ATP11A: variants seen among roughly 807,000 people sequenced by gnomAD.
ATP11A encodes ATPase phospholipid transporting 11A, also known as phospholipid-transporting ATPase IH.
Under a neutral mutation model 154.4 loss-of-function variants are expected in ATP11A, and 81 were observed. The observed-to-expected ratio is 0.52, with a 90% CI of 0.44 to 0.63. ATP11A has a LOEUF of 0.63. ATP11A is among the 30% of genes least tolerant of loss of function. The pLI is 0.00. For synonymous variants in ATP11A, 623 were observed against 585.9 expected, an observed-to-expected ratio of 1.06 and a Z score of -0.91; for missense variants, 1,316 against 1,474.3, an observed-to-expected ratio of 0.89 and a Z score of 1.76.
At chr13:112,742,656 A>C (rs1021193754) in intron 1 of ATP11A, among the ~76,000 whole-genome samples, 6 of 152,228 alleles carry the variant, frequency 3.9e-5, no homozygotes, top group Admixed American at 2.0e-4. Flanking sequence ...TTCCTGAGGC[A>C]GTCTCAGCCT....
At chr13:112,880,467 G>C (rs1466020086) in intron 29 of ATP11A, 14 of 1,156,664 alleles carry the variant, frequency 1.2e-5, no homozygotes, top group Non-Finnish European at 1.6e-5. Context: ...GGGTCCCACG[G>C]ATGGTGCAGG....
chr13:112,867,139 C>T (rs986405644), intron 25 of ATP11A, among the ~76,000 whole-genome samples: 1 of 152,162 alleles, frequency 6.6e-6, no homozygotes, highest in Non-Finnish European at 1.5e-5. Flanking sequence ...ATAGCAAGTC[C>T]CCTTTTTCCC....
At chr13:112,709,706 C>A (rs1887525396) in intron 1 of ATP11A, among the ~76,000 whole-genome samples, 1 of 119,936 alleles carries the variant, frequency 8.3e-6, no homozygotes, top group Non-Finnish European at 1.8e-5. Context: ...TGAACCAAAC[C>A]AATGTATTTC....
chr13:112,765,946 CG>C lies in ATP11A; in HGVS notation c.40-19187del, dbSNP rs1295603804. On this transcript the variant is annotated intron_variant, in intron 1 of 29. Transcript: ENST00000375645. The stretch of plus-strand genomic sequence containing the variant: ...CTGAAGCCGCGGCTTCCTTGCAGGC[CG>C]GTGTCCGGCGTTGATCCTTTAACTG... Among the ~76,000 whole-genome samples, 71 of 152,368 alleles carry C rather than the reference CG, an allele frequency of 4.7e-4. No individual in the cohort carries two copies. The Middle Eastern group carries it at 0.01, about 22-fold the overall frequency.
chr13:112,762,611 G>A (rs2076988506), intron 1 of ATP11A, among the ~76,000 whole-genome samples: 1 of 152,204 alleles, frequency 6.6e-6, no homozygotes, highest in Non-Finnish European at 1.5e-5. Flanking sequence ...TGTGACGCAG[G>A]CTGGAAATGT....
At chr13:112,849,792 C>T (rs566943120) in intron 17 of ATP11A, among the ~76,000 whole-genome samples, 93 of 152,310 alleles carry the variant, frequency 6.1e-4, no homozygotes, top group Admixed American at 2.2e-3. Flanking sequence ...TAGAGGCAAA[C>T]CCGTGAGCAG....
chr13:112,702,658 C>T (rs1341165143), intron 1 of ATP11A, among the ~76,000 whole-genome samples: 1 of 152,256 alleles, frequency 6.6e-6, no homozygotes, highest in Non-Finnish European at 1.5e-5. Context: ...TTTCTTCGTT[C>T]TGCTGATATC....
chr13:112,732,499 T>C lies in ATP11A; in HGVS notation c.39+42044T>C, dbSNP rs1177968652. ...CTCCATCTCTCTCCAGCTCCATCTC[T>C]CTCCAGCTGCATCTCTCTGCATTTT... On this transcript the variant is annotated intron_variant, in intron 1 of 29. Transcript: ENST00000375645. Among the ~76,000 whole-genome samples, 5 of 152,208 alleles carry C rather than the reference T, an allele frequency of 3.3e-5. No individual in the cohort carries two copies. The East Asian group carries it at 7.7e-4, about 24-fold the overall frequency.
At position 112,692,418 on chromosome 13, in the gene ATP11A, GAGGGGGACAGAC is replaced by G. The variant is rs1174761291; in HGVS notation, c.39+1966_39+1977del. Among the ~76,000 whole-genome samples the G allele has an allele frequency of 4.6e-5, 7 of 152,180 alleles. No individual in the cohort carries two copies. The East Asian group carries it at 1.3e-3, about 29-fold the overall frequency. ...CCGGTTTCTGACCCCTTCATCTTGGGAGGGGGACAGACAGACGTCCAATTTTGATGCTTGACT... is the reference window on the plus strand; with the variant it reads ...CCGGTTTCTGACCCCTTCATCTTGGGAGACGTCCAATTTTGATGCTTGACT... On this transcript the variant is annotated intron_variant, in intron 1 of 29. Transcript: ENST00000375645.
chr13:112,765,902 C>T (rs1172349066), intron 1 of ATP11A, among the ~76,000 whole-genome samples: 11 of 152,278 alleles, frequency 7.2e-5, no homozygotes, highest in South Asian at 2.1e-4. Context: ...CAGGCGTAAC[C>T]GCCAGGGTCC....
At chr13:112,701,134 C>T (rs1353725342) in intron 1 of ATP11A, among the ~76,000 whole-genome samples, 1 of 152,158 alleles carries the variant, frequency 6.6e-6, no homozygotes, top group African/African-American at 2.4e-5. Context: ...CACAGAAATT[C>T]GAGTCCGCCT....
chr13:112,720,317 C>T (rs1004920094), intron 1 of ATP11A, among the ~76,000 whole-genome samples: 7 of 152,332 alleles, frequency 4.6e-5, no homozygotes, highest in Non-Finnish European at 7.3e-5. Context: ...TAGGTGGAGT[C>T]GGAGATTCTT....
intron 1 of ATP11A, among the ~76,000 whole-genome samples, chr13:112,707,415 C>CAAAAAAA (rs35020608): frequency 1.2e-5 from 1 of 80,710 alleles, no homozygotes; most frequent in Non-Finnish European, 2.6e-5. Context: ...AATTCTGTCT[C>CAAAAAAA]AAAAAAAAAA....
In ATP11A at chr13:112,885,798, C is replaced by G. The variant is rs1201765517; in HGVS notation, c.*3932C>G. The G allele has an allele frequency of 1.3e-5, 2 of 152,352 alleles. No homozygotes were observed. The highest frequency in any genetic ancestry group is 2.9e-5 in the Non-Finnish European group (2 of 68,122). 9.4% of individuals were successfully genotyped at this position (152,352 alleles called of 1,614,324 possible). On this transcript the variant is annotated 3_prime_UTR_variant, in exon 30 of 30. Coordinates refer to ENST00000375645, the MANE Select transcript of ATP11A (RefSeq NM_015205.3). Reference sequence around the variant, plus strand: ...GGATGGGCATGGGAAGATGGGCTCCCTGGCCCCCAGCCCATGCCTCCCTGG... The same window carrying G: ...GGATGGGCATGGGAAGATGGGCTCCGTGGCCCCCAGCCCATGCCTCCCTGG...
intron 2 of ATP11A, among the ~76,000 whole-genome samples, chr13:112,789,840 G>C (rs1421420381): frequency 6.8e-6 from 1 of 147,448 alleles, no homozygotes. Flanking sequence ...ACGTGTAGTA[G>C]ACCCCTGTGG....
chr13:112,799,109 A>G (rs538745698), intron 2 of ATP11A, among the ~76,000 whole-genome samples: 5 of 152,386 alleles, frequency 3.3e-5, no homozygotes, highest in South Asian at 4.1e-4. Context: ...CCAAGACAAC[A>G]TAACAATTCT....
chr13:112,784,753 G>A (rs1428181550), intron 1 of ATP11A, among the ~76,000 whole-genome samples: 2 of 152,308 alleles, frequency 1.3e-5, no homozygotes, highest in Admixed American at 1.3e-4. Flanking sequence ...TCCATCTCCT[G>A]ACCTCGTGAT....
rs776049128 is a variant in ATP11A, at chr13:112,823,331, T to C, written c.726-14T>C. On this transcript the variant is annotated splice_polypyrimidine_tract_variant and intron_variant, in intron 8 of 29. Transcript: ENST00000375645. ...TTCGTGTCCGCATCATTTCTGATCATCGTATCTTTACAGGCCCTTAGGATC... is the reference window on the plus strand; with the variant it reads ...TTCGTGTCCGCATCATTTCTGATCACCGTATCTTTACAGGCCCTTAGGATC... The C allele has an allele frequency of 2.5e-6, 4 of 1,611,746 alleles. No individual in the cohort carries two copies. Among genetic ancestry groups the C allele is most frequent in the Non-Finnish European group, 2.5e-6 (3 of 1,178,078 alleles).
At chr13:112,802,368 G>C (rs2078161090) in intron 2 of ATP11A, among the ~76,000 whole-genome samples, 1 of 151,690 alleles carries the variant, frequency 6.6e-6, no homozygotes, top group Non-Finnish European at 1.5e-5. Context: ...GAAAAGAATA[G>C]ACAAATAGAT....
Sources: gnomAD v4.1 joint callset for allele counts (sites outside exome capture counted in the v4.1 genomes callset) on GRCh38, gnomAD v4.1.1 for gene constraint, MANE v1.5 for transcripts, NCBI Gene and HGNC (gene_info 2026-07-23, HGNC 2026-07-21) for gene names.